Variants in MALRD1 observed in about 807,000 individuals in gnomAD.
The protein encoded by MALRD1 is MAM and LDL receptor class A domain containing 1.
Under a neutral mutation model 242.1 loss-of-function variants are expected in MALRD1, and 247 were observed. That is an observed-to-expected ratio of 1.02 (90% CI 0.92 to 1.13). The LOEUF (loss-of-function observed/expected upper bound fraction) is 1.13, where lower values mean the gene tolerates loss of function less well. Among genes scored for constraint, MALRD1 ranks in the 50% most tolerant of loss-of-function variants. The pLI is 0.00. For missense variants in MALRD1, 2,989 were observed against 2,533.1 expected, an observed-to-expected ratio of 1.18 and a Z score of -3.86; for synonymous variants, 995 against 866.6, an observed-to-expected ratio of 1.15 and a Z score of -2.60.
chr10:19,476,848 T>A (rs1054804323), intron 29 of MALRD1, among the ~76,000 whole-genome samples: 1 of 152,184 alleles, frequency 6.6e-6, no homozygotes, highest in African/African-American at 2.4e-5. Flanking sequence ...CGTGGAGGTA[T>A]GTACACTTCA....
intron 36 of MALRD1, among the ~76,000 whole-genome samples, chr10:19,649,421 A>G (rs1024610829): frequency 1.8e-4 from 28 of 152,170 alleles, no homozygotes; most frequent in Non-Finnish European, 3.7e-4. Flanking sequence ...CTTTTTAATA[A>G]TAACCATTTG....
chr10:19,304,029 A>C (rs930437646), intron 21 of MALRD1, among the ~76,000 whole-genome samples: 1 of 151,706 alleles, frequency 6.6e-6, no homozygotes, highest in African/African-American at 2.4e-5. Context: ...GTAGCTGGTC[A>C]AGTGTTATGT....
intron 28 of MALRD1, among the ~76,000 whole-genome samples, chr10:19,414,927 C>T (rs980804968): frequency 3.3e-5 from 5 of 152,190 alleles, no homozygotes; most frequent in African/African-American, 4.8e-5. Context: ...TGATTACAGA[C>T]AGGACCAAAT....
intron 35 of MALRD1, among the ~76,000 whole-genome samples, chr10:19,608,586 A>T (rs1410862738): frequency 6.6e-6 from 1 of 152,102 alleles, no homozygotes; most frequent in African/African-American, 2.4e-5. Flanking sequence ...ACTAAAGGAT[A>T]ATATAAATTA....
At chr10:19,597,341 G>T (rs1838145476) in intron 34 of MALRD1, among the ~76,000 whole-genome samples, 1 of 152,166 alleles carries the variant, frequency 6.6e-6, no homozygotes, top group South Asian at 2.1e-4. Context: ...AGCTTAGGAA[G>T]GTACTGTGTC....
intron 28 of MALRD1, among the ~76,000 whole-genome samples, 175 bp from the exon 29 acceptor site, chr10:19,450,132 G>T (rs1021499479): frequency 3.3e-5 from 5 of 152,178 alleles, no homozygotes; most frequent in Admixed American, 6.5e-5. Context: ...TTTGAGTTGG[G>T]TTTGACAAGA....
chr10:19,562,297 G>GTAGGTAGATAGATAGATAGA (rs149417866), intron 32 of MALRD1, among the ~76,000 whole-genome samples: 5 of 144,650 alleles, frequency 3.5e-5, no homozygotes, highest in Non-Finnish European at 7.6e-5. Context: ...GCTGTCTTAG[G>GTAGGTAGATAGATAGATAGA]TAGATAGATA....
At chr10:19,085,573 T>A (rs976009181) in intron 2 of MALRD1, among the ~76,000 whole-genome samples, 1 of 151,914 alleles carries the variant, frequency 6.6e-6, no homozygotes, top group Non-Finnish European at 1.5e-5. Flanking sequence ...TACTATAACC[T>A]GAAGATTAAC....
At chr10:19,047,786 A>G (rs985375828), upstream of MALRD1, among the ~76,000 whole-genome samples, 1 of 152,158 alleles carries the variant, frequency 6.6e-6, no homozygotes, top group Non-Finnish European at 1.5e-5. Context: ...TTTTTCCCCT[A>G]CAATATGGGT....
chr10:19,642,607 CCTACTT>C (rs1840442567), intron 36 of MALRD1, among the ~76,000 whole-genome samples: 2 of 152,138 alleles, frequency 1.3e-5, no homozygotes, highest in Admixed American at 6.5e-5. Flanking sequence ...TCTGGACAAA[CCTACTT>C]CTAAAGCTAG....
Position 19,099,103 on chromosome 10 carries a change from C to T in MALRD1, c.598-4876C>T, listed in dbSNP as rs141593785. ...GTGCATGTGGTAATAAAAGGGAAGA[C>T]GGAGCTTCTATATTGGTTATGCCTG... On this transcript the variant is annotated intron_variant, in intron 4 of 39. Coordinates refer to ENST00000454679, the MANE Select transcript of MALRD1 (RefSeq NM_001142308.3). Among the ~76,000 whole-genome samples the T allele has an allele frequency of 6.9e-3, 1,052 of 152,204 alleles. 11 individuals are homozygous for T. Among genetic ancestry groups the T allele is most frequent in the African/African-American group, 0.024 (1,011 of 41,520 alleles).
rs1320210733 is a variant in MALRD1 at position 19,450,541 on chromosome 10, A to T, written c.5029+51A>T. 3.4e-6 allele frequency: 5 copies of T among 1,449,326 alleles called. 1 individual carries two copies. The highest frequency in any genetic ancestry group is 4.6e-6 in the Non-Finnish European group (5 of 1,076,962). 89.8% of individuals were successfully genotyped at this position (1,449,326 alleles called of 1,614,324 possible). ...TTGGAAGCACATTTTTAATCTAGCC[A>T]TTTTATTTTTGTTACACAAGTTTAC... On this transcript the variant is annotated intron_variant, in intron 29 of 39. Coordinates refer to ENST00000454679, the MANE Select transcript of MALRD1 (RefSeq NM_001142308.3).
chr10:19,627,595 C>T (rs1415987374), intron 36 of MALRD1, among the ~76,000 whole-genome samples: 1 of 150,802 alleles, frequency 6.6e-6, no homozygotes, highest in African/African-American at 2.4e-5. Flanking sequence ...AATACAATTA[C>T]AAAAAAATAC....
chr10:19,342,199 G>T (rs1038870281), intron 24 of MALRD1, among the ~76,000 whole-genome samples: 1 of 152,112 alleles, frequency 6.6e-6, no homozygotes, highest in Non-Finnish European at 1.5e-5. Flanking sequence ...ATTTCACAGT[G>T]TACACTGCCT....
intron 36 of MALRD1, among the ~76,000 whole-genome samples, chr10:19,652,522 T>G (rs7091938): frequency 0.11 from 16,747 of 152,080 alleles, 2,367 homozygotes; most frequent in African/African-American, 0.33. Context: ...GGAAGAGATA[T>G]TCTGGGATTT....
intron 28 of MALRD1, among the ~76,000 whole-genome samples, chr10:19,449,650 A>G (rs367675907): frequency 9.9e-5 from 15 of 152,276 alleles, no homozygotes; most frequent in Middle Eastern, 3.4e-3. Flanking sequence ...GCATATATAC[A>G]GACCCGGTGG....
chr10:19,350,239 G>A (rs1844313678), intron 25 of MALRD1, among the ~76,000 whole-genome samples: 1 of 150,774 alleles, frequency 6.6e-6, no homozygotes, highest in Non-Finnish European at 1.5e-5. Flanking sequence ...GATGAGAGAA[G>A]AGATGAGACC....
chr10:19,162,499 A>G (rs1834475357), intron 12 of MALRD1, among the ~76,000 whole-genome samples: 1 of 152,222 alleles, frequency 6.6e-6, no homozygotes, highest in Non-Finnish European at 1.5e-5. Flanking sequence ...ACTGGCATGT[A>G]CCAGGTTGAG....
chr10:19,296,681 C>CT (rs371477992), intron 21 of MALRD1, among the ~76,000 whole-genome samples: 37 of 152,082 alleles, frequency 2.4e-4, no homozygotes, highest in African/African-American at 7.7e-4. Flanking sequence ...ATCTTATTGG[C>CT]TATTCATGTA....
Sources: gnomAD v4.1 joint callset for allele counts (sites outside exome capture counted in the v4.1 genomes callset) on GRCh38, gnomAD v4.1.1 for gene constraint, MANE v1.5 for transcripts, NCBI Gene and HGNC (gene_info 2026-07-23, HGNC 2026-07-21) for gene names.